Variants in DCP1B observed in about 807,000 individuals in gnomAD.
DCP1B encodes mRNA-decapping enzyme 1B.
A neutral mutation model predicts 60.5 loss-of-function variants in DCP1B; 47 were observed. The observed-to-expected ratio is 0.78, with a 90% CI of 0.61 to 0.99. DCP1B has a LOEUF of 0.99. DCP1B is among the 50% of genes least tolerant of loss of function. DCP1B has a pLI of 0.00. For missense variants in DCP1B, 725 were observed against 756.8 expected, an observed-to-expected ratio of 0.96 and a Z score of 0.49; for synonymous variants, 267 against 280.3, an observed-to-expected ratio of 0.95 and a Z score of 0.47.
At chr12:2,002,181 C>G (rs535236175) in intron 1 of DCP1B, among the ~76,000 whole-genome samples, 2 of 152,144 alleles carry the variant, frequency 1.3e-5, no homozygotes, top group African/African-American at 2.4e-5. Flanking sequence ...ATTTTCAGGG[C>G]AATAAGAATT....
At chr12:1,980,505 AAT>A (rs745839560) in intron 3 of DCP1B, among the ~76,000 whole-genome samples, 3 of 151,894 alleles carry the variant, frequency 2.0e-5, no homozygotes, top group African/African-American at 4.8e-5. Context: ...ACATGTTCTC[AAT>A]ATGTTTTCCC....
chr12:1,985,636 G>C (rs2037474559), intron 3 of DCP1B, among the ~76,000 whole-genome samples: 1 of 152,126 alleles, frequency 6.6e-6, no homozygotes, highest in African/African-American at 2.4e-5. Context: ...TTCCTGGCTA[G>C]TAATTTTGGA....
chr12:1,974,822 A>G (rs1447653010), intron 3 of DCP1B, among the ~76,000 whole-genome samples: 2 of 152,206 alleles, frequency 1.3e-5, no homozygotes, highest in African/African-American at 4.8e-5. Flanking sequence ...ATGTACATAA[A>G]TAAGTCCAGT....
intron 3 of DCP1B, among the ~76,000 whole-genome samples, chr12:1,968,823 T>C (rs965403221): frequency 2.6e-5 from 4 of 152,248 alleles, no homozygotes; most frequent in African/African-American, 9.6e-5. Flanking sequence ...GATATGACTA[T>C]GATTTCCTCA....
intron 7 of DCP1B, among the ~76,000 whole-genome samples, chr12:1,950,756 C>T (rs541053541): frequency 6.6e-6 from 1 of 152,250 alleles, no homozygotes; most frequent in East Asian, 1.9e-4. Flanking sequence ...AAGCAATCTT[C>T]CCACTTCAGC....
chr12:1,997,226 G>T (rs79862093), intron 2 of DCP1B, among the ~76,000 whole-genome samples: 2,576 of 152,280 alleles, frequency 0.017, 34 homozygotes, highest in Non-Finnish European at 0.028. Flanking sequence ...AAGAGTCAGG[G>T]GTGGGAGAAA....
chr12:1,950,282 C>T, intron 7 of DCP1B: 1 of 701,940 alleles, frequency 1.4e-6, no homozygotes, highest in Non-Finnish European at 2.6e-6. Context: ...CGGTGCTGAG[C>T]AGTGATGCTC....
At chr12:1,997,475 T>C (rs940228102) in intron 2 of DCP1B, among the ~76,000 whole-genome samples, 7 of 152,184 alleles carry the variant, frequency 4.6e-5, no homozygotes, top group Admixed American at 3.9e-4. Flanking sequence ...AGCCAAGAGC[T>C]GTGATCGTGC....
At chr12:1,993,652 GTGTGTA>G (rs992508689) in intron 2 of DCP1B, among the ~76,000 whole-genome samples, 11 of 149,618 alleles carry the variant, frequency 7.4e-5, no homozygotes, top group Admixed American at 4.1e-4. Flanking sequence ...GTGTGTGTGT[GTGTGTA>G]TACAGATGTT....
intron 7 of DCP1B, chr12:1,950,315 T>C (rs1313317529): frequency 1.4e-6 from 1 of 702,422 alleles, no homozygotes; most frequent in Non-Finnish European, 2.6e-6. Context: ...TCAAGCATTC[T>C]GAGCACAGCG....
chr12:1,996,101 T>C (rs2040727743), intron 2 of DCP1B, among the ~76,000 whole-genome samples: 1 of 152,240 alleles, frequency 6.6e-6, no homozygotes, highest in African/African-American at 2.4e-5. Flanking sequence ...ATTTCTATTA[T>C]TCTAATCCCA....
chr12:1,959,373 A>G (rs1396632155), intron 5 of DCP1B, among the ~76,000 whole-genome samples: 1 of 152,246 alleles, frequency 6.6e-6, no homozygotes, highest in African/African-American at 2.4e-5. Flanking sequence ...AAGGAACTCA[A>G]ACAACTCAAC....
At position 1,958,466 on chromosome 12, in the gene DCP1B, G is replaced by C. The variant is rs147587658; in HGVS notation, c.523-2906C>G. ...GGAAAAGCTCCCTAACGTCGCTCTG[G>C]GCAATGGCTTTTTCTATAAACCTCC... On this transcript the variant is annotated intron_variant, in intron 5 of 8. Coordinates refer to ENST00000280665, the MANE Select transcript of DCP1B (RefSeq NM_152640.5). Among the ~76,000 whole-genome samples, 70 of 135,072 alleles carry C rather than the reference G, an allele frequency of 5.2e-4. 2 individuals are homozygous for C. The highest frequency in any genetic ancestry group is 1.8e-3 in the African/African-American group (60 of 34,214). 88.6% of individuals were successfully genotyped at this position (135,072 alleles called of 152,430 possible). A position where few individuals can be genotyped will look rare whatever the true frequency, so the allele number is the denominator to read the frequency against.
intron 2 of DCP1B, among the ~76,000 whole-genome samples, chr12:1,993,658 A>G (rs11062047): frequency 0.015 from 758 of 49,420 alleles, 6 homozygotes; most frequent in African/African-American, 0.048. Flanking sequence ...GTGTGTGTGT[A>G]TACAGATGTT....
chr12:1,985,842 C>T (rs1294557650), intron 3 of DCP1B, among the ~76,000 whole-genome samples: 2 of 152,008 alleles, frequency 1.3e-5, no homozygotes, highest in African/African-American at 4.8e-5. Flanking sequence ...GACGAGTCTC[C>T]CTCTGTCGCC....
At chr12:1,980,820 G>A in intron 3 of DCP1B, among the ~76,000 whole-genome samples, 1 of 151,818 alleles carries the variant, frequency 6.6e-6, no homozygotes, top group Non-Finnish European at 1.5e-5. Context: ...AGGGCCAGGA[G>A]GAAACAGAGA....
In DCP1B at chr12:1,953,304, A is replaced by G. The variant is rs1165747291; in HGVS notation, c.652-16T>C. 8 of 1,547,408 alleles carry G rather than the reference A, an allele frequency of 5.2e-6. No homozygotes were observed. Among genetic ancestry groups the G allele is most frequent in the Non-Finnish European group, 6.9e-6 (8 of 1,155,110 alleles). On this transcript the variant is annotated splice_polypyrimidine_tract_variant and intron_variant, in intron 6 of 8. Coordinates refer to ENST00000280665, the MANE Select transcript of DCP1B (RefSeq NM_152640.5). ...GGTCTAAGGTCTGGAAAAAATAAAG[A>G]TATCTGACATGAGTCTACAAACAAT...
intron 3 of DCP1B, among the ~76,000 whole-genome samples, chr12:1,981,110 T>C (rs2470403): frequency 0.017 from 2,547 of 152,312 alleles, 75 homozygotes; most frequent in African/African-American, 0.057. Flanking sequence ...TGTATGGCAT[T>C]CTCACAACTC....
chr12:1,965,179 C>T (rs537681919), intron 5 of DCP1B, among the ~76,000 whole-genome samples: 1 of 151,974 alleles, frequency 6.6e-6, no homozygotes, highest in South Asian at 2.1e-4. Context: ...TAAACATTTT[C>T]TTTATATAGG....
Sources: allele counts gnomAD v4.1 joint callset (sites outside exome capture counted in the v4.1 genomes callset), GRCh38; gene constraint gnomAD v4.1.1; transcripts MANE v1.5; gene names NCBI Gene and HGNC (gene_info 2026-07-23, HGNC 2026-07-21).